Variants in CCDC93 observed in about 807,000 individuals in gnomAD.
CCDC93 encodes the protein CCC complex scaffolding subunit CCDC93, also known as coiled-coil domain-containing protein 93.
A neutral mutation model predicts 108.2 loss-of-function variants in CCDC93; 61 were observed. The observed-to-expected ratio is 0.56, with a 90% CI of 0.46 to 0.70. The LOEUF (loss-of-function observed/expected upper bound fraction) is 0.70, where lower values mean the gene tolerates loss of function less well. Among genes scored for constraint, CCDC93 ranks in the 30% least tolerant of loss-of-function variants. The probability of loss-of-function intolerance (pLI) is 0.00; values close to 1 mark genes in which losing one functional copy is unlikely to be tolerated. For missense variants in CCDC93, 685 were observed against 764.2 expected, an observed-to-expected ratio of 0.90 and a Z score of 1.22; for synonymous variants, 276 against 260.4, an observed-to-expected ratio of 1.06 and a Z score of -0.58.
chr2:117,947,225 C>T (rs894327794), intron 15 of CCDC93, among the ~76,000 whole-genome samples: 1 of 152,198 alleles, frequency 6.6e-6, no homozygotes, highest in African/African-American at 2.4e-5. Context: ...ATTCAGCTGT[C>T]CATCTTCCAG....
Position 117,993,666 on chromosome 2 carries a change from T to C in CCDC93, c.519+1780A>G, listed in dbSNP as rs563265266. ...CATTTAAAACAGGGGAAAGCAATTA[T>C]CATATCCAACTAACTGGTTACTATT... On this transcript the variant is annotated intron_variant, in intron 6 of 23. Coordinates refer to ENST00000376300, the MANE Select transcript of CCDC93 (RefSeq NM_019044.5). 3.2e-4 allele frequency among the ~76,000 whole-genome samples: 48 copies of C among 152,364 alleles called. 1 individual carries two copies. Among genetic ancestry groups the C allele is most frequent in the African/African-American group, 1.1e-3 (47 of 41,584 alleles).
intron 20 of CCDC93, among the ~76,000 whole-genome samples, chr2:117,938,825 A>C (rs1015378731): frequency 2.6e-5 from 4 of 152,132 alleles, no homozygotes; most frequent in Non-Finnish European, 5.9e-5. Flanking sequence ...ATGGCTGTCT[A>C]CCAGTCTCAC....
At chr2:117,983,086 A>G (rs1382526198) in intron 7 of CCDC93, among the ~76,000 whole-genome samples, 1 of 152,218 alleles carries the variant, frequency 6.6e-6, no homozygotes, top group African/African-American at 2.4e-5. Flanking sequence ...AGTGTCTTCC[A>G]TCCACTCCCT....
intron 7 of CCDC93, among the ~76,000 whole-genome samples, chr2:117,985,005 G>A (rs997758611): frequency 6.6e-6 from 1 of 151,674 alleles, no homozygotes; most frequent in Non-Finnish European, 1.5e-5. Context: ...GGTGATGCCT[G>A]ACTTGGAGGA....
chr2:118,013,635 A>G (rs1261613720), intron 1 of CCDC93, among the ~76,000 whole-genome samples: 1 of 152,134 alleles, frequency 6.6e-6, no homozygotes, highest in African/African-American at 2.4e-5. Flanking sequence ...CGTCCCGGAC[A>G]GGGAGAAAGG....
At chr2:118,003,507 CAGG>C (rs1431884364) in intron 3 of CCDC93, among the ~76,000 whole-genome samples, 3 of 152,278 alleles carry the variant, frequency 2.0e-5, no homozygotes, top group East Asian at 3.9e-4. Context: ...TTTGGTTCAG[CAGG>C]AGGAGAGCTC....
At chr2:117,944,728 C>A (rs1236530763) in intron 17 of CCDC93, 2 of 471,142 alleles carry the variant, frequency 4.2e-6, no homozygotes, top group East Asian at 1.4e-4. Flanking sequence ...CCCTACCCAA[C>A]GCACCCAAGG....
rs1311135285 is a variant in CCDC93, at chr2:117,946,832, T to C, written c.1275A>G (p.Arg425=). The C allele has an allele frequency of 1.2e-6, 2 of 1,613,242 alleles. No homozygotes were observed. Among genetic ancestry groups the C allele is most frequent in the Non-Finnish European group, 1.7e-6 (2 of 1,179,142 alleles). Residue 425 remains arginine (R), a synonymous_variant, in exon 16 of 24, where the codon AGA becomes AGG. Coordinates refer to ENST00000376300, the MANE Select transcript of CCDC93 (RefSeq NM_019044.5). ...QQEIENLKAE[R]APRGDEKTLS... ...TTACCTTTTCATCTCCACGTGGTGCTCTCTCAGCTTTCAGGTTTTCAATTT... is the reference window on the plus strand; with the variant it reads ...TTACCTTTTCATCTCCACGTGGTGCCCTCTCAGCTTTCAGGTTTTCAATTT...
At position 117,962,551 on chromosome 2, in the gene CCDC93, G is replaced by A. The variant is rs1268666803; in HGVS notation, c.889-4070C>T. On this transcript the variant is annotated intron_variant, in intron 11 of 23. Coordinates refer to ENST00000376300, the MANE Select transcript of CCDC93 (RefSeq NM_019044.5). The stretch of plus-strand genomic sequence containing the variant: ...CCAGCTACTTGGGAGGCTGAGGCAT[G>A]AGAATTGCTTAAACCCAGGAGGTGG... Among the ~76,000 whole-genome samples, 3 of 152,352 alleles carry A rather than the reference G, an allele frequency of 2.0e-5. No individual in the cohort carries two copies. The East Asian group carries it at 5.8e-4, about 29-fold the overall frequency.
At chr2:117,942,711 G>A (rs941857959) in intron 18 of CCDC93, among the ~76,000 whole-genome samples, 5 of 152,014 alleles carry the variant, frequency 3.3e-5, no homozygotes, top group Non-Finnish European at 5.9e-5. Flanking sequence ...GTAGTCTCAG[G>A]GCCTCTTCCA....
intron 7 of CCDC93, among the ~76,000 whole-genome samples, chr2:117,982,755 T>TG (rs10557674): frequency 0.059 from 8,425 of 143,998 alleles, 377 homozygotes; most frequent in Middle Eastern, 0.089. Flanking sequence ...CATAGTGTAG[T>TG]GGGGGGGGGG....
chr2:117,938,082 G>A (rs537108084), intron 20 of CCDC93, among the ~76,000 whole-genome samples: 5 of 152,316 alleles, frequency 3.3e-5, no homozygotes, highest in Middle Eastern at 3.4e-3. Context: ...AAGGTGAGGG[G>A]GAGGGTAGGA....
intron 16 of CCDC93, 30 bp downstream of exon 16, chr2:117,946,781 G>A (rs777389137): frequency 2.1e-5 from 32 of 1,501,226 alleles, no homozygotes; most frequent in Non-Finnish European, 1.9e-5. Context: ...TAGCACCTGA[G>A]AGTCTCAAGG....
At position 118,000,927 on chromosome 2, in the gene CCDC93, AGAGCTCT is replaced by A; in HGVS notation, c.252-2_256del. On this transcript the variant is annotated splice_acceptor_variant and coding_sequence_variant, in exon 4 of 24. Transcript: ENST00000376300. LOFTEE classifies it high-confidence loss of function. ...CAGGACCGAGACAATTTTTTCTGAC[AGAGCTCT>A]GTTCAGAAAAAGTAACAAGCAAAGA... 6.2e-7 allele frequency: 1 copy of A among 1,607,002 alleles called. No individual in the cohort carries two copies.
In CCDC93 at chr2:117,920,131, T is replaced by C. The variant is rs1442561354; in HGVS notation, c.*212A>G. 8 of 478,974 alleles carry C rather than the reference T, an allele frequency of 1.7e-5. No individual in the cohort carries two copies. Among genetic ancestry groups the C allele is most frequent in the Non-Finnish European group, 3.0e-5 (8 of 264,542 alleles). 29.7% of individuals were successfully genotyped at this position (478,974 alleles called of 1,614,324 possible). A position where few individuals can be genotyped will look rare whatever the true frequency, so the allele number is the denominator to read the frequency against. On this transcript the variant is annotated 3_prime_UTR_variant, in exon 24 of 24. Transcript: ENST00000376300. ...CCTATATTCTTCATAGGATGATGGG[T>C]GTTATCCAAGCCACGTGTTTACTGT...
chr2:117,993,979 G>A (rs1300027096), intron 6 of CCDC93, among the ~76,000 whole-genome samples: 5 of 152,112 alleles, frequency 3.3e-5, no homozygotes, highest in Admixed American at 1.3e-4. Context: ...TGATCCACCC[G>A]TCTCAGCCTT....
In CCDC93 at chr2:118,011,140, T is replaced by G. The variant is rs192757444; in HGVS notation, c.43-2482A>C. On this transcript the variant is annotated intron_variant, in intron 1 of 23. Transcript: ENST00000376300. ...AAAGAATGATCTACTAATGCTTACA[T>G]AAAGTAAGTGAACCTAAACCAGTCA... Among the ~76,000 whole-genome samples, 9 of 152,306 alleles carry G rather than the reference T, an allele frequency of 5.9e-5. No homozygotes were observed. In the East Asian group the frequency reaches 1.3e-3, roughly 23 times the overall value.
chr2:117,930,005 T>C (rs1678272923), intron 23 of CCDC93, among the ~76,000 whole-genome samples: 2 of 152,236 alleles, frequency 1.3e-5, no homozygotes, highest in African/African-American at 2.4e-5. Context: ...GGAGGAGGTC[T>C]GCGTTACAAC....
In CCDC93 at chr2:117,947,693, C is replaced by CTTT. The variant is rs763811529; in HGVS notation, c.1224+409_1224+411dup. On this transcript the variant is annotated intron_variant, in intron 15 of 23. Transcript: ENST00000376300. ...GACAAATAACTGCTGGATGAATCTG[C>CTTT]TTTTTTTTTTTTTTTTTTGAGATGG... Among the ~76,000 whole-genome samples, 70 of 121,948 alleles carry CTTT rather than the reference C, an allele frequency of 5.7e-4. 1 individual carries two copies. Among genetic ancestry groups the CTTT allele is most frequent in the East Asian group, 9.4e-4 (4 of 4,250 alleles). The allele number at this position is 121,948 out of a possible 152,430, so 80.0% of individuals were successfully genotyped here.
Sources: allele counts gnomAD v4.1 joint callset (sites outside exome capture counted in the v4.1 genomes callset), GRCh38; gene constraint gnomAD v4.1.1; transcripts MANE v1.5; gene names NCBI Gene and HGNC (gene_info 2026-07-23, HGNC 2026-07-21).